The following SNX27 variants were observed in gnomAD, a reference collection of about 807,000 sequenced individuals.
SNX27 encodes sorting nexin 27, also known as sorting nexin-27.
Under a neutral mutation model 71.6 loss-of-function variants are expected in SNX27, and 22 were observed. The ratio of observed to expected loss-of-function variants is 0.31; its 90% CI spans 0.22 to 0.44. The LOEUF (loss-of-function observed/expected upper bound fraction) is 0.44, where lower values mean the gene tolerates loss of function less well. Among genes scored for constraint, SNX27 ranks in the 20% least tolerant of loss-of-function variants. The probability of loss-of-function intolerance (pLI) is 1.00; values close to 1 mark genes in which losing one functional copy is unlikely to be tolerated. For missense variants in SNX27, 531 were observed against 698.6 expected (o/e 0.76, Z 2.70); for synonymous variants, 269 against 277.2 (o/e 0.97, Z 0.29).
intron 7 of SNX27, among the ~76,000 whole-genome samples, chr1:151,675,065 G>A (rs1257830751): frequency 6.6e-6 from 1 of 152,052 alleles, no homozygotes; most frequent in East Asian, 1.9e-4. Context: ...TGGCCACCTG[G>A]TGCTACAGAT....
intron 4 of SNX27, 72 bp from the exon 5 acceptor site, chr1:151,662,094 C>A: frequency 2.9e-6 from 3 of 1,028,610 alleles, no homozygotes; most frequent in South Asian, 1.4e-5. Context: ...AGGTTATTGT[C>A]TAGCTAGCTT....
chr1:151,637,411 C>T (rs1177529400), intron 1 of SNX27, among the ~76,000 whole-genome samples: 1 of 152,096 alleles, frequency 6.6e-6, no homozygotes, highest in Non-Finnish European at 1.5e-5. Context: ...ATCTCCTGAC[C>T]TTGTGATCCA....
In SNX27 at chr1:151,692,907, C is replaced by T. The variant is rs1310809977; in HGVS notation, c.1390-4C>T. On this transcript the variant is annotated splice_region_variant and splice_polypyrimidine_tract_variant and intron_variant, in intron 9 of 11. Coordinates refer to ENST00000458013, the MANE Select transcript of SNX27 (RefSeq NM_001330723.2). ...TACCTTACTCCCTTGTCTTGGTTGT[C>T]CAGAACCAGGTAATTGCATTTGAAT... The T allele has an allele frequency of 9.3e-6, 15 of 1,613,976 alleles. No individual in the cohort carries two copies. Among genetic ancestry groups the T allele is most frequent in the Non-Finnish European group, 1.2e-5 (14 of 1,180,004 alleles).
chr1:151,620,343 A>G (rs1377346553), intron 1 of SNX27, among the ~76,000 whole-genome samples: 3 of 152,208 alleles, frequency 2.0e-5, no homozygotes, highest in Non-Finnish European at 2.9e-5. Context: ...AAGAAGTTGA[A>G]TAACTTTTCC....
At position 151,694,411 on chromosome 1, in the gene SNX27, C is replaced by T. The variant is rs921795417; in HGVS notation, c.1620C>T (p.Ala540=). Residue 540 remains alanine (A), a synonymous_variant, in exon 12 of 12, where the codon GCC becomes GCT. Coordinates refer to ENST00000458013, the MANE Select transcript of SNX27 (RefSeq NM_001330723.2). ...CGAGGTCACAGCAGAGAGATGTGGC[C>T]ACCTAGCCTTTCCTTATCCCCTTCC... The part of the protein sequence containing the change: ...QMARSQQRDV[A]T The T allele has an allele frequency of 2.6e-6, 4 of 1,550,366 alleles. No homozygotes were observed. The Admixed American group carries it at 7.8e-5, about 30-fold the overall frequency.
At chr1:151,624,588 C>T (rs973795131) in intron 1 of SNX27, among the ~76,000 whole-genome samples, 15 of 151,202 alleles carry the variant, frequency 9.9e-5, no homozygotes, top group African/African-American at 3.4e-4. Context: ...CCTGCCAGCA[C>T]GCCCGGCTAA....
In SNX27 at chr1:151,662,220, A is replaced by G. The variant is rs765027980; in HGVS notation, c.856A>G (p.Thr286Ala). 8.1e-6 allele frequency: 13 copies of G among 1,613,676 alleles called. No homozygotes were observed. The highest frequency in any genetic ancestry group is 1.1e-5 in the Non-Finnish European group (13 of 1,179,756). The change falls in exon 5 of 12, where the codon ACG becomes GCG. Residue 286 changes from threonine to alanine, a missense_variant. By Grantham distance (58) the Thr-to-Ala change is moderately conservative. This residue lies in a region of SNX27 where 184 missense variants were observed against 289.6 expected (regional missense o/e 0.64). Transcript: ENST00000458013. ...ELRVALPDGTTVTVRVKKNST... is the reference protein window; with the variant it reads ...ELRVALPDGTAVTVRVKKNST... Reference sequence around the variant, plus strand: ...GAGAGTAGCATTACCAGATGGAACAACGGTTACAGTCAGGGTTAAAAAGAA... The same window carrying G: ...GAGAGTAGCATTACCAGATGGAACAGCGGTTACAGTCAGGGTTAAAAAGAA...
chr1:151,643,213 C>G (rs941723349), intron 2 of SNX27, among the ~76,000 whole-genome samples: 1 of 152,032 alleles, frequency 6.6e-6, no homozygotes. Context: ...ATCCGCCCGC[C>G]TCGGCCTCCC....
intron 1 of SNX27, among the ~76,000 whole-genome samples, chr1:151,626,275 T>G (rs867312716): frequency 1.2e-4 from 18 of 151,650 alleles, no homozygotes; most frequent in Non-Finnish European, 1.9e-4. Context: ...CTTTTTTTTT[T>G]TTGTTTTTCC....
rs527668384 is a variant in SNX27 at position 151,637,579 on chromosome 1, G to A, written c.312-1309G>A. Reference sequence around the variant, plus strand: ...TATTTTTTTCTATAGCTAGCTTATTGTAAAATTACTGATTTTTTTGTATAT... The same window carrying A: ...TATTTTTTTCTATAGCTAGCTTATTATAAAATTACTGATTTTTTTGTATAT... On this transcript the variant is annotated intron_variant, in intron 1 of 11. Coordinates refer to ENST00000458013, the MANE Select transcript of SNX27 (RefSeq NM_001330723.2). 3.9e-5 allele frequency among the ~76,000 whole-genome samples: 6 copies of A among 152,212 alleles called. No individual in the cohort carries two copies. The South Asian group carries it at 1.2e-3, about 32-fold the overall frequency.
intron 5 of SNX27, among the ~76,000 whole-genome samples, chr1:151,663,275 C>T (rs1052439663): frequency 2.6e-5 from 4 of 151,776 alleles, no homozygotes; most frequent in African/African-American, 4.8e-5. Flanking sequence ...CTCAGCCTCC[C>T]GAGCAGCTGG....
At chr1:151,628,228 A>G (rs1464726712) in intron 1 of SNX27, among the ~76,000 whole-genome samples, 1 of 152,048 alleles carries the variant, frequency 6.6e-6, no homozygotes, top group Non-Finnish European at 1.5e-5. Flanking sequence ...GCTGGTGTCA[A>G]ACTCCTGACC....
intron 1 of SNX27, among the ~76,000 whole-genome samples, chr1:151,633,214 C>T (rs1382810756): frequency 2.0e-5 from 3 of 152,154 alleles, no homozygotes; most frequent in African/African-American, 7.2e-5. Flanking sequence ...GTTAAATGCA[C>T]ACATATGAAG....
At chr1:151,655,675 TTGTCCAG>T (rs1473697659) in intron 2 of SNX27, among the ~76,000 whole-genome samples, 4 of 152,206 alleles carry the variant, frequency 2.6e-5, no homozygotes, top group African/African-American at 9.6e-5. Flanking sequence ...TAGCTGCCTG[TTGTCCAG>T]TGTCTGAAAA....
At chr1:151,630,900 C>T (rs530106072) in intron 1 of SNX27, among the ~76,000 whole-genome samples, 17 of 152,156 alleles carry the variant, frequency 1.1e-4, no homozygotes, top group African/African-American at 1.4e-4. Flanking sequence ...GGTGTGGTGG[C>T]GGGCGCCTGT....
chr1:151,681,145 T>C (rs1210320496), intron 7 of SNX27, among the ~76,000 whole-genome samples: 1 of 152,060 alleles, frequency 6.6e-6, no homozygotes, highest in Non-Finnish European at 1.5e-5. Context: ...CTATGAGATA[T>C]TCCAGTTTTA....
intron 7 of SNX27, chr1:151,679,244 A>G (rs1325061418): frequency 1.3e-5 from 2 of 152,350 alleles, no homozygotes; most frequent in Non-Finnish European, 1.5e-5. Flanking sequence ...AGTTAAACTG[A>G]TACATCATTG....
chr1:151,628,789 G>T (rs1668066105), intron 1 of SNX27, among the ~76,000 whole-genome samples: 1 of 152,184 alleles, frequency 6.6e-6, no homozygotes, highest in South Asian at 2.1e-4. Flanking sequence ...CCTTGGTGAG[G>T]TATCTGTCCA....
At chr1:151,655,486 T>A (rs1436852268) in intron 2 of SNX27, among the ~76,000 whole-genome samples, 1 of 152,252 alleles carries the variant, frequency 6.6e-6, no homozygotes, top group African/African-American at 2.4e-5. Context: ...GTCCTGCAAA[T>A]TGTAGCTGCT....
Sources: allele counts gnomAD v4.1 joint callset (sites outside exome capture counted in the v4.1 genomes callset), GRCh38; gene constraint gnomAD v4.1.1; regional missense constraint gnomAD v4.1.1; transcripts MANE v1.5; gene names NCBI Gene and HGNC (gene_info 2026-07-23, HGNC 2026-07-21).